The following ENOX1 variants were observed in gnomAD, a reference collection of about 807,000 sequenced individuals.
The protein encoded by ENOX1 is ecto-NOX disulfide-thiol exchanger 1.
Under a neutral mutation model 82.5 loss-of-function variants are expected in ENOX1, and 42 were observed. The observed-to-expected ratio is 0.51, with a 90% confidence interval of 0.40 to 0.66. ENOX1 has a LOEUF of 0.66. Among genes scored for constraint, ENOX1 ranks in the 30% least tolerant of loss-of-function variants. The probability of loss-of-function intolerance (pLI) is 0.00; values close to 1 mark genes in which losing one functional copy is unlikely to be tolerated. For missense variants in ENOX1, 608 were observed against 811.6 expected (o/e 0.75, Z 3.05); for synonymous variants, 271 against 282.2 (o/e 0.96, Z 0.40).
intron 2 of ENOX1, among the ~76,000 whole-genome samples, chr13:43,627,679 A>G (rs1469389948): frequency 6.6e-6 from 1 of 152,114 alleles, no homozygotes; most frequent in East Asian, 1.9e-4. Context: ...ATGTTTACCC[A>G]TGTTTACACA....
intron 1 of ENOX1, among the ~76,000 whole-genome samples, chr13:43,726,908 A>G (rs2089011310): frequency 6.6e-6 from 1 of 151,844 alleles, no homozygotes; most frequent in African/African-American, 2.4e-5. Flanking sequence ...CACCTGGCTA[A>G]TTTTTGTATT....
chr13:43,337,915 C>G (rs1445784146), intron 9 of ENOX1, among the ~76,000 whole-genome samples: 3 of 152,204 alleles, frequency 2.0e-5, no homozygotes. Flanking sequence ...TTTAAGATCC[C>G]TCTTAGCTCT....
intron 1 of ENOX1, among the ~76,000 whole-genome samples, chr13:43,753,979 C>T (rs77453366): frequency 1.6e-3 from 6 of 3,798 alleles, no homozygotes; most frequent in South Asian, 0.016. Flanking sequence ...ATTTCTTCTA[C>T]GTATCTACGT....
intron 3 of ENOX1, among the ~76,000 whole-genome samples, chr13:43,441,068 C>T (rs1316710000): frequency 6.6e-6 from 1 of 152,144 alleles, no homozygotes; most frequent in Non-Finnish European, 1.5e-5. Flanking sequence ...AAAAATTTCA[C>T]AGCCATGAAA....
rs1020807668 is a variant in ENOX1 at position 43,633,752 on chromosome 13, T to C, written c.-219+33727A>G. Among the ~76,000 whole-genome samples the C allele has an allele frequency of 4.0e-5, 6 of 151,872 alleles. No individual in the cohort carries two copies. In the East Asian group the frequency reaches 1.2e-3, roughly 29 times the overall value. On this transcript the variant is annotated intron_variant, in intron 2 of 16. Coordinates refer to ENST00000690772, the MANE Select transcript of ENOX1 (RefSeq NM_001347969.2). ...GATAGTGTATATATGTATACATATA[T>C]TTAGAAGGATAAGAACAAAAAGGAT... is the stretch of plus-strand genomic sequence containing the variant.
intron 14 of ENOX1, among the ~76,000 whole-genome samples, chr13:43,248,597 CT>C (rs1046160512): frequency 2.0e-5 from 3 of 151,432 alleles, no homozygotes; most frequent in Non-Finnish European, 4.4e-5. Context: ...ACCTTTTTTC[CT>C]TTCTTTTCCA....
At chr13:43,427,322 C>T (rs1291288894) in intron 3 of ENOX1, among the ~76,000 whole-genome samples, 1 of 152,140 alleles carries the variant, frequency 6.6e-6, no homozygotes. Context: ...CTCACAACAA[C>T]CTATGAGATA....
At chr13:43,379,236 T>C (rs7326126) in intron 5 of ENOX1, among the ~76,000 whole-genome samples, 30,075 of 152,032 alleles carry the variant, frequency 0.2, 3,649 homozygotes, top group East Asian at 0.53. Context: ...ACTAAGTTTG[T>C]GGCTACCTGT....
At chr13:43,255,480 G>A (rs1057195303) in intron 14 of ENOX1, among the ~76,000 whole-genome samples, 2 of 152,134 alleles carry the variant, frequency 1.3e-5, no homozygotes, top group African/African-American at 4.8e-5. Context: ...TTGGATGGAA[G>A]AAGCCAAATT....
chr13:43,483,931 A>G (rs1482747930), intron 3 of ENOX1, 78 bp downstream of exon 3: 1 of 812,640 alleles, frequency 1.2e-6, no homozygotes, highest in Non-Finnish European at 1.5e-6. Flanking sequence ...ATTGAAATAG[A>G]GTACAAATAT....
At chr13:43,573,914 T>C (rs924338836) in intron 2 of ENOX1, among the ~76,000 whole-genome samples, 2 of 152,176 alleles carry the variant, frequency 1.3e-5, no homozygotes, top group Admixed American at 6.5e-5. Context: ...AAATACATTG[T>C]GCAATATTAA....
intron 11 of ENOX1, among the ~76,000 whole-genome samples, chr13:43,306,623 C>T (rs1387740021): frequency 6.6e-6 from 1 of 152,186 alleles, no homozygotes; most frequent in Admixed American, 6.5e-5. Context: ...TGGCCAAAGA[C>T]AGAAACTTTA....
At chr13:43,697,689 G>C (rs2086708372) in intron 1 of ENOX1, among the ~76,000 whole-genome samples, 1 of 152,172 alleles carries the variant, frequency 6.6e-6, no homozygotes, top group South Asian at 2.1e-4. Flanking sequence ...CAAAGGGACG[G>C]GATTCCAGAA....
chr13:43,459,942 C>T (rs927847462), intron 3 of ENOX1, among the ~76,000 whole-genome samples: 42 of 152,020 alleles, frequency 2.8e-4, no homozygotes, highest in Non-Finnish European at 2.8e-4. Flanking sequence ...TGCAGTGAGC[C>T]GAGATTGCAC....
intron 3 of ENOX1, among the ~76,000 whole-genome samples, chr13:43,470,844 G>A (rs1246695232): frequency 6.6e-6 from 1 of 151,934 alleles, no homozygotes. Flanking sequence ...CCACCAAAAT[G>A]GCTAAACCTA....
At chr13:43,609,992 C>T in intron 2 of ENOX1, 1 of 725,404 alleles carries the variant, frequency 1.4e-6, no homozygotes, top group Non-Finnish European at 1.7e-6. Context: ...AAATAACTTC[C>T]TATTTTCCCA....
At chr13:43,216,975 C>T (rs1270702512) in intron 16 of ENOX1, among the ~76,000 whole-genome samples, 1 of 152,172 alleles carries the variant, frequency 6.6e-6, no homozygotes, top group East Asian at 1.9e-4. Context: ...ATTTAATTCT[C>T]ACCACACTCT....
intron 16 of ENOX1, among the ~76,000 whole-genome samples, chr13:43,223,672 G>C (rs147930095): frequency 2.2e-3 from 340 of 152,260 alleles, no homozygotes; most frequent in African/African-American, 7.7e-3. Context: ...CCTCAATTGT[G>C]TGAAGTCCAG....
intron 2 of ENOX1, among the ~76,000 whole-genome samples, chr13:43,630,201 T>C (rs1164452507): frequency 2.0e-5 from 3 of 152,206 alleles, no homozygotes; most frequent in Non-Finnish European, 4.4e-5. Flanking sequence ...ACACCCTTTA[T>C]AGGCAGCTTC....
Sources: gnomAD v4.1 joint callset for allele counts (sites outside exome capture counted in the v4.1 genomes callset) on GRCh38, gnomAD v4.1.1 for gene constraint, MANE v1.5 for transcripts, NCBI Gene and HGNC (gene_info 2026-07-23, HGNC 2026-07-21) for gene names.